SH3KBP1: variants seen among roughly 807,000 people sequenced by gnomAD.
The protein encoded by SH3KBP1 is SH3 domain containing kinase binding protein 1.
A neutral mutation model predicts 50.1 loss-of-function variants in SH3KBP1; 8 were observed. The observed-to-expected ratio is 0.16, with a 90% CI of 0.09 to 0.29. The LOEUF is 0.29. Among genes scored for constraint, SH3KBP1 ranks in the 10% least tolerant of loss-of-function variants. SH3KBP1 has a pLI of 1.00. For synonymous variants in SH3KBP1, 227 were observed against 218.6 expected (o/e 1.04, Z -0.34); for missense variants, 377 against 535.2 (o/e 0.70, Z 2.92).
intron 1 of SH3KBP1, among the ~76,000 whole-genome samples, chrX:19,866,984 G>A (rs777474613): frequency 4.4e-4 from 49 of 111,381 alleles, no homozygotes; most frequent in African/African-American, 1.3e-3. Flanking sequence ...CACTCGAGCA[G>A]AAGTCAATAT....
At position 19,692,689 on chromosome X, in the gene SH3KBP1, A is replaced by ATTT. The variant is rs1186773036; in HGVS notation, c.520+2920_520+2922dup. Among the ~76,000 whole-genome samples, 475 of 75,027 alleles carry ATTT rather than the reference A, an allele frequency of 6.3e-3. 15 individuals carry two copies. Among genetic ancestry groups the ATTT allele is most frequent in the African/African-American group, 0.025 (449 of 18,120 alleles). The allele number at this position is 75,027 out of a possible 115,157, so 65.2% of individuals were successfully genotyped here. The stretch of plus-strand genomic sequence containing the variant: ...TGTGTGTATGTATATATATATATAT[A>ATTT]TTTTTTTTTTTTTTTAATAGTCTCT... On this transcript the variant is annotated intron_variant, in intron 5 of 17. Transcript: ENST00000397821.
In SH3KBP1 at chrX:19,537,707, A is replaced by G. The variant is rs747153720; in HGVS notation, c.1956+10T>C. 84 of 1,205,191 alleles carry G rather than the reference A, an allele frequency of 7.0e-5. No homozygotes were observed. Among genetic ancestry groups the G allele is most frequent in the Non-Finnish European group, 8.9e-5 (79 of 891,156 alleles). On this transcript the variant is annotated intron_variant, in intron 17 of 17. Transcript: ENST00000397821. ...AGGACTCACGGGCAGCAGAACCCAAAGGGACGCACCTGCAACCGAAGCCGG... is the reference window on the plus strand; with the variant it reads ...AGGACTCACGGGCAGCAGAACCCAAGGGGACGCACCTGCAACCGAAGCCGG...
chrX:19,824,943 G>C (rs1161477502), intron 2 of SH3KBP1, among the ~76,000 whole-genome samples: 15 of 112,061 alleles, frequency 1.3e-4, no homozygotes, highest in Non-Finnish European at 2.8e-4. Context: ...GAATCTAACA[G>C]GTTCCAGTTG....
At chrX:19,683,532 G>A (rs1233560488) in intron 6 of SH3KBP1, among the ~76,000 whole-genome samples, 1 of 111,395 alleles carries the variant, frequency 9.0e-6, no homozygotes, top group East Asian at 2.8e-4. Context: ...AGGAATGAGG[G>A]GTTTTTCTGG....
chrX:19,691,348 C>CTATATA (rs1474596689), intron 5 of SH3KBP1, among the ~76,000 whole-genome samples: 2 of 95,400 alleles, frequency 2.1e-5, no homozygotes, highest in African/African-American at 8.2e-5. Flanking sequence ...CTCTCTCTCT[C>CTATATA]TCTCTCTCTA....
At chrX:19,672,911 G>C (rs2062834126) in intron 6 of SH3KBP1, among the ~76,000 whole-genome samples, 1 of 101,221 alleles carries the variant, frequency 9.9e-6, no homozygotes, top group Admixed American at 1.1e-4. Context: ...ACAAAAATTA[G>C]CCAGGCCTGG....
chrX:19,574,643 T>A (rs1265644464), intron 12 of SH3KBP1, among the ~76,000 whole-genome samples: 1 of 112,162 alleles, frequency 8.9e-6, no homozygotes, highest in East Asian at 2.8e-4. Flanking sequence ...AATGACCTAA[T>A]CACTTCTCAA....
chrX:19,676,898 G>A (rs750284931), intron 6 of SH3KBP1, among the ~76,000 whole-genome samples: 104 of 112,270 alleles, frequency 9.3e-4, no homozygotes, highest in Non-Finnish European at 1.6e-3. Context: ...AGTGTAGACA[G>A]AATTCAAGAG....
chrX:19,737,760 TAGG>T (rs1179494345), intron 3 of SH3KBP1, among the ~76,000 whole-genome samples: 49 of 112,123 alleles, frequency 4.4e-4, no homozygotes, highest in Non-Finnish European at 4.9e-4. Context: ...AAGCCCAGAC[TAGG>T]ACTTCCACTC....
chrX:19,610,222 A>G (rs1023530590), intron 8 of SH3KBP1, among the ~76,000 whole-genome samples: 13 of 112,128 alleles, frequency 1.2e-4, no homozygotes, highest in African/African-American at 4.2e-4. Flanking sequence ...GACATTGAGA[A>G]GTCCAAGTAG....
At chrX:19,833,143 T>TGGTCCTCCTCTCCTTCCCAC (rs1292462643) in intron 2 of SH3KBP1, among the ~76,000 whole-genome samples, 7 of 110,304 alleles carry the variant, frequency 6.3e-5, no homozygotes, top group Admixed American at 9.6e-5. Context: ...CTCTTTCCCA[T>TGGTCCTCCTCTCCTTCCCAC]GGTCCTCCTC....
chrX:19,570,290 G>C (rs779304226), intron 12 of SH3KBP1, among the ~76,000 whole-genome samples: 65 of 112,050 alleles, frequency 5.8e-4, no homozygotes, highest in Non-Finnish European at 1.1e-3. Flanking sequence ...AGATCTGTGA[G>C]GCAGAGGGTA....
intron 2 of SH3KBP1, among the ~76,000 whole-genome samples, chrX:19,832,534 GGAGA>G (rs1472224625): frequency 9.0e-6 from 1 of 111,622 alleles, no homozygotes; most frequent in East Asian, 2.8e-4. Flanking sequence ...GAAGGAATGA[GGAGA>G]GAGGGGTAAG....
At chrX:19,616,784 G>C (rs1372509622) in intron 8 of SH3KBP1, among the ~76,000 whole-genome samples, 1 of 110,649 alleles carries the variant, frequency 9.0e-6, no homozygotes, top group African/African-American at 3.3e-5. Flanking sequence ...TGGCTTTTCT[G>C]GGTTCTCAAC....
chrX:19,640,569 A>G (rs908254346), intron 7 of SH3KBP1, among the ~76,000 whole-genome samples: 14 of 107,826 alleles, frequency 1.3e-4, no homozygotes, highest in Non-Finnish European at 2.3e-4. Flanking sequence ...GGTCACAACG[A>G]GCCAATAAAC....
chrX:19,644,731 T>C (rs929195068), intron 7 of SH3KBP1, among the ~76,000 whole-genome samples: 3 of 112,297 alleles, frequency 2.7e-5, no homozygotes, highest in South Asian at 7.4e-4. Flanking sequence ...TTTGGATATA[T>C]TGAGTTAAAT....
intron 15 of SH3KBP1, among the ~76,000 whole-genome samples, chrX:19,543,697 G>C (rs935313566): frequency 1.8e-5 from 2 of 111,634 alleles, no homozygotes; most frequent in African/African-American, 3.3e-5. Context: ...GGACTGGGGA[G>C]ACCCTAAGCT....
intron 1 of SH3KBP1, among the ~76,000 whole-genome samples, chrX:19,869,974 T>C (rs1374287667): frequency 9.0e-6 from 1 of 111,622 alleles, no homozygotes; most frequent in Non-Finnish European, 1.9e-5. Context: ...AGTCTGTACA[T>C]AGCAGCAAAA....
At chrX:19,844,639 G>C (rs951645708) in intron 1 of SH3KBP1, among the ~76,000 whole-genome samples, 1 of 111,642 alleles carries the variant, frequency 9.0e-6, no homozygotes, top group African/African-American at 3.3e-5. Context: ...AGACCTGTGG[G>C]CCTTGAGTCC....
Sources: gnomAD v4.1 joint callset for allele counts (sites outside exome capture counted in the v4.1 genomes callset) on GRCh38, gnomAD v4.1.1 for gene constraint, MANE v1.5 for transcripts, NCBI Gene and HGNC (gene_info 2026-07-23, HGNC 2026-07-21) for gene names.